The following GABRA4 variants were observed in gnomAD, a reference collection of about 807,000 sequenced individuals.
GABRA4 encodes the protein gamma-aminobutyric acid receptor subunit alpha-4.
In GABRA4, 12 loss-of-function variants were observed where a neutral mutation model predicts 49.7. The observed-to-expected ratio is 0.24, with a 90% CI of 0.15 to 0.39. The LOEUF is 0.39. Ranked by LOEUF, GABRA4 falls within the 10% of genes least tolerant of loss-of-function variation. GABRA4 has a pLI of 1.00. For synonymous variants in GABRA4, 288 were observed against 240.2 expected (o/e 1.20, Z -1.84); for missense variants, 506 against 686.0 (o/e 0.74, Z 2.93).
chr4:46,984,293 C>T (rs1481718683), intron 2 of GABRA4, among the ~76,000 whole-genome samples: 4 of 152,048 alleles, frequency 2.6e-5, no homozygotes, highest in Non-Finnish European at 5.9e-5. Flanking sequence ...ATACTAGTTA[C>T]ATATCTCCAA....
rs1472455826 is a variant in GABRA4, at chr4:46,925,312, A to G, written c.*2913T>C. ...ATACATTATTCAAAGTACTATGTAT[A>G]TGCACAAGTGCAAGTCATTTTAAAA... On this transcript the variant is annotated 3_prime_UTR_variant, in exon 9 of 9. Transcript: ENST00000264318. The G allele has an allele frequency of 1.3e-5, 2 of 152,002 alleles. No individual in the cohort carries two copies. Among genetic ancestry groups the G allele is most frequent in the African/African-American group, 2.4e-5 (1 of 41,448 alleles). The allele number at this position is 152,002 out of a possible 1,614,324, so 9.4% of individuals were successfully genotyped here.
At chr4:46,941,337 G>C (rs899477155) in intron 8 of GABRA4, among the ~76,000 whole-genome samples, 1 of 151,956 alleles carries the variant, frequency 6.6e-6, no homozygotes, top group African/African-American at 2.4e-5. Context: ...GGACTTCTTT[G>C]CTAGATACTA....
chr4:46,975,408 T>C (rs1308886357), intron 5 of GABRA4, among the ~76,000 whole-genome samples: 2 of 152,036 alleles, frequency 1.3e-5, no homozygotes, highest in South Asian at 2.1e-4. Context: ...TACTATGTTC[T>C]TGTCTATGAT....
chr4:46,987,530 T>C (rs958151642), intron 2 of GABRA4, among the ~76,000 whole-genome samples: 1 of 152,118 alleles, frequency 6.6e-6, no homozygotes, highest in Admixed American at 6.6e-5. Flanking sequence ...CAGCTTTAAA[T>C]AACACCAACC....
chr4:46,963,590 C>G (rs1204286714), intron 8 of GABRA4, among the ~76,000 whole-genome samples: 1 of 151,926 alleles, frequency 6.6e-6, no homozygotes, highest in Admixed American at 6.6e-5. Flanking sequence ...TCCAAGTAAA[C>G]CTCTTTTTGT....
chr4:46,979,112 A>T lies in GABRA4; in HGVS notation c.206-14T>A, dbSNP rs776268618. On this transcript the variant is annotated splice_polypyrimidine_tract_variant and intron_variant, in intron 2 of 8. Coordinates refer to ENST00000264318, the MANE Select transcript of GABRA4 (RefSeq NM_000809.4). ...CTGTAACAGGACCTAACGGGTATGA[A>T]GTAAATAAGTGTGAAAAAATAATTA... 6.4e-7 allele frequency: 1 copy of T among 1,553,456 alleles called. No homozygotes were observed. Among genetic ancestry groups the T allele is most frequent in the South Asian group, 1.1e-5 (1 of 88,808 alleles).
intron 2 of GABRA4, among the ~76,000 whole-genome samples, chr4:46,986,676 C>T (rs1486201173): frequency 6.6e-6 from 1 of 152,012 alleles, no homozygotes; most frequent in Non-Finnish European, 1.5e-5. Context: ...TACTCATGAT[C>T]CCTGAATTTC....
chr4:46,938,888 G>C (rs1721697686), intron 8 of GABRA4, among the ~76,000 whole-genome samples: 1 of 151,636 alleles, frequency 6.6e-6, no homozygotes, highest in South Asian at 2.1e-4. Context: ...GGAGCACAGG[G>C]GTGAAAAATA....
Position 46,928,539 on chromosome 4 carries a change from G to A in GABRA4, c.1351C>T (p.Leu451Phe), listed in dbSNP as rs1350775778. ...ATAGAAGTAGGAGAAGCAGATGGAAGTGCTCTTGCTGCAGATATGGTTTCA... is the reference window on the plus strand; with the variant it reads ...ATAGAAGTAGGAGAAGCAGATGGAAATGCTCTTGCTGCAGATATGGTTTCA... ...AAETISAARA[L>F]PSASPTSIRT... The change falls in exon 9 of 9, where the codon CTT becomes TTT. Residue 451 changes from leucine to phenylalanine, a missense_variant. Transcript: ENST00000264318. The A allele has an allele frequency of 3.7e-6, 6 of 1,613,708 alleles. No homozygotes were observed. The highest frequency in any genetic ancestry group is 5.1e-6 in the Non-Finnish European group (6 of 1,179,772).
chr4:46,947,408 T>C (rs1220386205), intron 8 of GABRA4, among the ~76,000 whole-genome samples: 1 of 152,002 alleles, frequency 6.6e-6, no homozygotes, highest in African/African-American at 2.4e-5. Context: ...CTGCCTGCGT[T>C]CTAAGTAAAG....
At position 46,921,062 on chromosome 4, in the gene GABRA4, A is replaced by T. The variant is rs1721007273; in HGVS notation, c.*7163T>A. On this transcript the variant is annotated 3_prime_UTR_variant, in exon 9 of 9. Transcript: ENST00000264318. ...TCCATTTTTCCATTTTGAAGTGGAG[A>T]TGTTTGTCTCTAGTAAAAGGAAAGG... 1 of 151,572 alleles carries T rather than the reference A, an allele frequency of 6.6e-6. No individual in the cohort carries two copies. The highest frequency in any genetic ancestry group is 1.5e-5 in the Non-Finnish European group (1 of 67,732). The allele number at this position is 151,572 out of a possible 1,614,324, so 9.4% of individuals were successfully genotyped here.
chr4:46,952,084 T>G (rs572575719), intron 8 of GABRA4, among the ~76,000 whole-genome samples: 1 of 152,158 alleles, frequency 6.6e-6, no homozygotes, highest in South Asian at 2.1e-4. Context: ...GAAGAAAAAT[T>G]TAGTGGCCTA....
At chr4:46,966,898 T>C (rs1013619174) in intron 7 of GABRA4, among the ~76,000 whole-genome samples, 1 of 151,756 alleles carries the variant, frequency 6.6e-6, no homozygotes, top group Non-Finnish European at 1.5e-5. Flanking sequence ...AATATATAAA[T>C]ATCTGCATAT....
intron 8 of GABRA4, among the ~76,000 whole-genome samples, chr4:46,957,659 T>C (rs1001935493): frequency 2.6e-4 from 39 of 152,138 alleles, no homozygotes; most frequent in African/African-American, 8.4e-4. Context: ...CCTATCCTAG[T>C]GATTGATGCC....
intron 5 of GABRA4, among the ~76,000 whole-genome samples, chr4:46,975,255 A>C (rs1723100426): frequency 6.6e-6 from 1 of 152,014 alleles, no homozygotes; most frequent in South Asian, 2.1e-4. Context: ...TTAATTCTTC[A>C]AAAGGAGTTG....
At chr4:46,980,054 A>G (rs1052858716) in intron 2 of GABRA4, among the ~76,000 whole-genome samples, 23 of 152,108 alleles carry the variant, frequency 1.5e-4, no homozygotes, top group African/African-American at 5.3e-4. Context: ...ATCTTCTAGT[A>G]ATATCATCTT....
At chr4:46,963,617 G>A (rs973449637) in intron 8 of GABRA4, among the ~76,000 whole-genome samples, 5 of 151,754 alleles carry the variant, frequency 3.3e-5, no homozygotes, top group African/African-American at 1.2e-4. Context: ...TTTCAGGTAT[G>A]TCATGATCAG....
At chr4:46,962,448 A>G (rs1438428811) in intron 8 of GABRA4, among the ~76,000 whole-genome samples, 2 of 151,988 alleles carry the variant, frequency 1.3e-5, no homozygotes, top group Admixed American at 6.6e-5. Flanking sequence ...CTGATGAAAT[A>G]AATTGAACAG....
intron 6 of GABRA4, 114 bp from the exon 7 acceptor site, chr4:46,971,349 T>A: frequency 1.1e-6 from 1 of 894,198 alleles, no homozygotes; most frequent in East Asian, 2.5e-5. Context: ...AATTCTCTTT[T>A]GTGCATAGCT....
Sources: allele counts gnomAD v4.1 joint callset (sites outside exome capture counted in the v4.1 genomes callset), GRCh38; gene constraint gnomAD v4.1.1; transcripts MANE v1.5; gene names NCBI Gene and HGNC (gene_info 2026-07-23, HGNC 2026-07-21).